The following NRXN1 variants were observed in gnomAD, a reference collection of about 807,000 sequenced individuals.
NRXN1 encodes the protein neurexin 1, also known as neurexin-1.
In NRXN1, 39 loss-of-function variants were observed where a neutral mutation model predicts 150.9. That is an observed-to-expected ratio of 0.26 (90% CI 0.20 to 0.34). The LOEUF is 0.34. Ranked by LOEUF, NRXN1 falls within the 10% of genes least tolerant of loss-of-function variation. The pLI is 1.00. For synonymous variants in NRXN1, 924 were observed against 757.0 expected, an observed-to-expected ratio of 1.22 and a Z score of -3.62; for missense variants, 1,815 against 1,949.9, an observed-to-expected ratio of 0.93 and a Z score of 1.30.
chr2:50,113,741 T>C lies in NRXN1; in HGVS notation c.3547-22247A>G, dbSNP rs1046663668. 2.0e-5 allele frequency among the ~76,000 whole-genome samples: 3 copies of C among 152,332 alleles called. No individual in the cohort carries two copies. The East Asian group carries it at 5.8e-4, about 29-fold the overall frequency. ...TCACGTATAATCCACCTTAAAAGGC[T>C]GTGAGTGAGGCAGAAGGAGGATCAC... On this transcript the variant is annotated intron_variant, in intron 18 of 22. Coordinates refer to ENST00000401669, the MANE Select transcript of NRXN1 (RefSeq NM_001330078.2).
intron 21 of NRXN1, among the ~76,000 whole-genome samples, chr2:49,969,101 A>G (rs1677478809): frequency 6.6e-6 from 1 of 152,130 alleles, no homozygotes; most frequent in Admixed American, 6.6e-5. Context: ...GGCAAGTCCA[A>G]CAGTAGCTTA....
chr2:50,878,399 C>G (rs554183810), intron 5 of NRXN1, among the ~76,000 whole-genome samples: 7 of 151,970 alleles, frequency 4.6e-5, no homozygotes, highest in African/African-American at 1.7e-4. Flanking sequence ...TTCTTTTGAT[C>G]AATTGCTGAG....
At chr2:50,354,224 T>C (rs867229994) in intron 17 of NRXN1, among the ~76,000 whole-genome samples, 22 of 152,146 alleles carry the variant, frequency 1.4e-4, no homozygotes, top group African/African-American at 4.8e-4. Context: ...CATGTAACTA[T>C]AAATTCTCTT....
At chr2:50,557,091 T>C (rs925321982) in intron 8 of NRXN1, among the ~76,000 whole-genome samples, 2 of 152,178 alleles carry the variant, frequency 1.3e-5, no homozygotes. Flanking sequence ...CATCTTCTCG[T>C]ACACAGACAT....
intron 21 of NRXN1, among the ~76,000 whole-genome samples, chr2:49,983,575 T>C (rs1297818038): frequency 6.6e-6 from 1 of 152,162 alleles, no homozygotes; most frequent in African/African-American, 2.4e-5. Flanking sequence ...TGATATGCTG[T>C]GAGTCAGATC....
chr2:50,728,564 T>G (rs944882768), intron 5 of NRXN1, among the ~76,000 whole-genome samples: 1 of 152,194 alleles, frequency 6.6e-6, no homozygotes, highest in Non-Finnish European at 1.5e-5. Flanking sequence ...TCAATATGTT[T>G]TTGGTTTGAT....
At chr2:50,283,247 T>C (rs1574919016) in intron 17 of NRXN1, among the ~76,000 whole-genome samples, 1 of 152,202 alleles carries the variant, frequency 6.6e-6, no homozygotes, top group African/African-American at 2.4e-5. Flanking sequence ...GTTTCACCTA[T>C]TCTGTTATTA....
intron 9 of NRXN1, among the ~76,000 whole-genome samples, chr2:50,544,939 T>A (rs1156299432): frequency 5.9e-5 from 9 of 152,154 alleles, no homozygotes; most frequent in Non-Finnish European, 1.3e-4. Context: ...CAGAAAAAGC[T>A]ATCTTTAAGT....
chr2:50,362,308 T>G (rs890316725), intron 17 of NRXN1, among the ~76,000 whole-genome samples: 3 of 152,184 alleles, frequency 2.0e-5, no homozygotes, highest in African/African-American at 7.2e-5. Flanking sequence ...GAAGTCAAAT[T>G]GGCTGTTTGC....
At chr2:50,660,866 T>C (rs1261229026) in intron 5 of NRXN1, among the ~76,000 whole-genome samples, 1 of 152,044 alleles carries the variant, frequency 6.6e-6, no homozygotes, top group Non-Finnish European at 1.5e-5. Flanking sequence ...TGATCTCAGA[T>C]TTGGATATAT....
chr2:50,934,396 T>A (rs962065014), intron 2 of NRXN1, among the ~76,000 whole-genome samples: 1 of 152,214 alleles, frequency 6.6e-6, no homozygotes, highest in Non-Finnish European at 1.5e-5. Flanking sequence ...CCTCTTTGTA[T>A]CTGTTATTTC....
intron 2 of NRXN1, among the ~76,000 whole-genome samples, chr2:50,971,341 T>TA (rs1694959394): frequency 6.6e-6 from 1 of 152,056 alleles, no homozygotes; most frequent in Non-Finnish European, 1.5e-5. Context: ...TCCCAGCACT[T>TA]TGGGAGGCCA....
At chr2:50,660,437 G>C (rs983258067) in intron 5 of NRXN1, among the ~76,000 whole-genome samples, 1 of 151,922 alleles carries the variant, frequency 6.6e-6, no homozygotes, top group African/African-American at 2.4e-5. Context: ...TGAATATTCA[G>C]ACTGACTGAG....
intron 18 of NRXN1, among the ~76,000 whole-genome samples, chr2:50,101,763 T>C (rs1037105834): frequency 2.0e-5 from 3 of 152,018 alleles, no homozygotes; most frequent in African/African-American, 7.2e-5. Context: ...AGGAGCACTA[T>C]TTTTTTAAAT....
At chr2:50,676,594 T>C (rs553244383) in intron 5 of NRXN1, among the ~76,000 whole-genome samples, 1 of 152,164 alleles carries the variant, frequency 6.6e-6, no homozygotes, top group African/African-American at 2.4e-5. Flanking sequence ...CGATAATACA[T>C]ACAAACTGCT....
At chr2:50,790,517 A>T (rs2105596154) in intron 5 of NRXN1, among the ~76,000 whole-genome samples, 1 of 152,282 alleles carries the variant, frequency 6.6e-6, no homozygotes, top group African/African-American at 2.4e-5. Flanking sequence ...GCTACTCAGG[A>T]GGCTGAGGCA....
intron 8 of NRXN1, among the ~76,000 whole-genome samples, chr2:50,584,811 G>C (rs1422289402): frequency 6.6e-6 from 1 of 152,120 alleles, no homozygotes; most frequent in African/African-American, 2.4e-5. Context: ...AAATATGAGA[G>C]TTCACAGTAT....
At chr2:50,726,798 C>G (rs919114846) in intron 5 of NRXN1, among the ~76,000 whole-genome samples, 2 of 151,902 alleles carry the variant, frequency 1.3e-5, no homozygotes, top group Non-Finnish European at 2.9e-5. Context: ...ATTTTAAATC[C>G]CTAATGGAAA....
intron 5 of NRXN1, among the ~76,000 whole-genome samples, chr2:50,720,388 G>A (rs973132245): frequency 6.6e-6 from 1 of 152,002 alleles, no homozygotes; most frequent in Non-Finnish European, 1.5e-5. Flanking sequence ...GCATCTTCCA[G>A]TTAATTTGAA....
Sources: gnomAD v4.1 joint callset for allele counts (sites outside exome capture counted in the v4.1 genomes callset) on GRCh38, gnomAD v4.1.1 for gene constraint, MANE v1.5 for transcripts, NCBI Gene and HGNC (gene_info 2026-07-23, HGNC 2026-07-21) for gene names.